The following CSMD1 variants were observed in gnomAD, a reference collection of about 807,000 sequenced individuals.
CSMD1 encodes the protein CUB and sushi domain-containing protein 1.
Under a neutral mutation model 417.5 loss-of-function variants are expected in CSMD1, and 213 were observed. The observed-to-expected ratio is 0.51, with a 90% CI of 0.46 to 0.57. CSMD1 has a LOEUF of 0.57. CSMD1 is among the 20% of genes least tolerant of loss of function. CSMD1 has a pLI of 0.00. For synonymous variants in CSMD1, 2,862 were observed against 1,736.8 expected, an observed-to-expected ratio of 1.65 and a Z score of -16.11; for missense variants, 6,923 against 4,529.7, an observed-to-expected ratio of 1.53 and a Z score of -15.17.
At chr8:4,797,441 G>C (rs564226345) in intron 1 of CSMD1, among the ~76,000 whole-genome samples, 1 of 152,136 alleles carries the variant, frequency 6.6e-6, no homozygotes, top group Admixed American at 6.5e-5. Context: ...GAACACCTAA[G>C]TACCAAATAT....
At chr8:3,483,037 A>C (rs1400475923) in intron 11 of CSMD1, among the ~76,000 whole-genome samples, 1 of 152,170 alleles carries the variant, frequency 6.6e-6, no homozygotes, top group Non-Finnish European at 1.5e-5. Context: ...AAAGAATGAA[A>C]AAAATTACTT....
intron 7 of CSMD1, among the ~76,000 whole-genome samples, chr8:3,672,097 T>G (rs1470648763): frequency 6.6e-6 from 1 of 152,202 alleles, no homozygotes; most frequent in Non-Finnish European, 1.5e-5. Context: ...TCTAAAAGGT[T>G]GATGCAGCGT....
chr8:3,089,348 C>T (rs1688628083), intron 48 of CSMD1, among the ~76,000 whole-genome samples: 1 of 152,254 alleles, frequency 6.6e-6, no homozygotes, highest in Admixed American at 6.5e-5. Context: ...TCATTTGCTT[C>T]TCATAGTATG....
chr8:3,991,105 C>T (rs940158), intron 5 of CSMD1, among the ~76,000 whole-genome samples: 33,119 of 152,120 alleles, frequency 0.22, 3,907 homozygotes, highest in South Asian at 0.36. Flanking sequence ...TCCCTGGCCA[C>T]GAGCCGAGAG....
chr8:3,322,293 C>A (rs190146335), intron 23 of CSMD1, among the ~76,000 whole-genome samples: 1 of 152,186 alleles, frequency 6.6e-6, no homozygotes. Flanking sequence ...TCACTTAGAG[C>A]CATTTTATTC....
chr8:3,464,100 A>G (rs1051756430), intron 12 of CSMD1, among the ~76,000 whole-genome samples: 7 of 152,232 alleles, frequency 4.6e-5, no homozygotes, highest in African/African-American at 1.2e-4. Context: ...CACAGGAAAC[A>G]GTTCCTTTAA....
chr8:3,983,084 A>T (rs574157707), intron 5 of CSMD1, among the ~76,000 whole-genome samples: 1 of 151,750 alleles, frequency 6.6e-6, no homozygotes, highest in Non-Finnish European at 1.5e-5. Context: ...GGAGCCTCTA[A>T]TGATGTAAAA....
chr8:4,424,023 A>G (rs1797405663), intron 2 of CSMD1, among the ~76,000 whole-genome samples: 1 of 152,086 alleles, frequency 6.6e-6, no homozygotes. Flanking sequence ...AGTAAGTTTA[A>G]CACCTTATAT....
intron 36 of CSMD1, among the ~76,000 whole-genome samples, chr8:3,182,622 G>GTGTGTT (rs1554454525): frequency 3.5e-5 from 2 of 56,816 alleles, no homozygotes; most frequent in African/African-American, 1.0e-4. Flanking sequence ...GTGTGTGTGT[G>GTGTGTT]TGTGTGTGTG....
rs189698599 is a variant in CSMD1, at chr8:4,132,265, A to C, written c.416-100166T>G. The stretch of plus-strand genomic sequence containing the variant: ...AACATCTAGCACTGCTGGATTATGA[A>C]AATTTTATCCAAGGTGATGTTTATT... On this transcript the variant is annotated intron_variant, in intron 3 of 69. Transcript: ENST00000635120. 1.1e-3 allele frequency among the ~76,000 whole-genome samples: 165 copies of C among 150,824 alleles called. 4 individuals are homozygous for C. The East Asian group carries it at 0.031, about 29-fold the overall frequency.
intron 3 of CSMD1, among the ~76,000 whole-genome samples, chr8:4,400,528 T>A (rs913159328): frequency 2.0e-5 from 3 of 152,246 alleles, no homozygotes; most frequent in African/African-American, 7.2e-5. Context: ...AAAATTGCCC[T>A]CTATGCCTTT....
intron 3 of CSMD1, among the ~76,000 whole-genome samples, chr8:4,243,480 C>T (rs1232079397): frequency 6.6e-6 from 1 of 152,130 alleles, no homozygotes; most frequent in East Asian, 1.9e-4. Context: ...AGTATGTCTA[C>T]TCAAAACAGA....
At chr8:3,011,119 C>G (rs1808351769) in intron 52 of CSMD1, among the ~76,000 whole-genome samples, 1 of 152,208 alleles carries the variant, frequency 6.6e-6, no homozygotes, top group Non-Finnish European at 1.5e-5. Context: ...TTATTAACCT[C>G]TGAATGCTGC....
At chr8:4,030,778 T>G (rs1351355735) in intron 4 of CSMD1, among the ~76,000 whole-genome samples, 1 of 152,200 alleles carries the variant, frequency 6.6e-6, no homozygotes, top group Non-Finnish European at 1.5e-5. Context: ...CATGAACTTT[T>G]ATGCTTTGCT....
At chr8:4,752,149 G>T (rs575929754) in intron 1 of CSMD1, among the ~76,000 whole-genome samples, 2 of 151,840 alleles carry the variant, frequency 1.3e-5, no homozygotes, top group South Asian at 4.2e-4. Context: ...TATCTCAGTT[G>T]CTCTTTAGTT....
chr8:4,039,087 G>A (rs1416647155), intron 3 of CSMD1, among the ~76,000 whole-genome samples: 1 of 152,076 alleles, frequency 6.6e-6, no homozygotes, highest in Non-Finnish European at 1.5e-5. Flanking sequence ...TACTACATGG[G>A]ACAAGGCTAT....
At chr8:3,305,758 C>T (rs887535630) in intron 25 of CSMD1, among the ~76,000 whole-genome samples, 3 of 152,180 alleles carry the variant, frequency 2.0e-5, no homozygotes, top group Admixed American at 6.5e-5. Context: ...CAGCTCACTG[C>T]AGGCTCCACC....
intron 5 of CSMD1, among the ~76,000 whole-genome samples, chr8:3,877,669 G>C (rs989125766): frequency 7.9e-6 from 1 of 127,234 alleles, no homozygotes; most frequent in Non-Finnish European, 1.6e-5. Context: ...CCTGAATAAG[G>C]GTCTGAGCAC....
chr8:4,137,885 T>A (rs890278409), intron 3 of CSMD1, among the ~76,000 whole-genome samples: 1 of 151,838 alleles, frequency 6.6e-6, no homozygotes, highest in African/African-American at 2.4e-5. Flanking sequence ...AATTAATTTA[T>A]TTATTTACTT....
Sources: gnomAD v4.1 joint callset for allele counts (sites outside exome capture counted in the v4.1 genomes callset) on GRCh38, gnomAD v4.1.1 for gene constraint, MANE v1.5 for transcripts, NCBI Gene and HGNC (gene_info 2026-07-23, HGNC 2026-07-21) for gene names.